The following RGS6 variants were observed in gnomAD, a reference collection of about 807,000 sequenced individuals.
The protein encoded by RGS6 is regulator of G protein signaling 6.
RGS6 carries 30 observed loss-of-function variants against 78.5 expected under a neutral mutation model. That is an observed-to-expected ratio of 0.38 (90% CI 0.29 to 0.52). The LOEUF is 0.52. Ranked by LOEUF, RGS6 falls within the 20% of genes least tolerant of loss-of-function variation. The probability of loss-of-function intolerance (pLI) is 0.85; values close to 1 mark genes in which losing one functional copy is unlikely to be tolerated. For synonymous variants in RGS6, 206 were observed against 206.0 expected (o/e 1.00, Z 0.00); for missense variants, 495 against 609.7 (o/e 0.81, Z 1.98).
chr14:72,150,384 G>T (rs1267715300), intron 2 of RGS6, among the ~76,000 whole-genome samples: 1 of 152,102 alleles, frequency 6.6e-6, no homozygotes, highest in Admixed American at 6.5e-5. Context: ...AACTCAGAGA[G>T]AATAAATTTC....
chr14:71,967,165 T>C (rs2093570899), intron 2 of RGS6, among the ~76,000 whole-genome samples: 1 of 146,434 alleles, frequency 6.8e-6, no homozygotes, highest in African/African-American at 2.6e-5. Flanking sequence ...TATCTTACTT[T>C]CGTGTGACAA....
chr14:72,347,487 G>C (rs1868666751), intron 2 of RGS6, among the ~76,000 whole-genome samples: 1 of 152,146 alleles, frequency 6.6e-6, no homozygotes. Flanking sequence ...TGATGCAAAT[G>C]GTATTAAGTG....
chr14:72,562,350 T>G (rs1285399583), intron 17 of RGS6, 67 bp from the exon 18 acceptor site: 11 of 1,506,918 alleles, frequency 7.3e-6, no homozygotes, highest in Non-Finnish European at 1.0e-5. Context: ...TTCACCTGTC[T>G]GGCTCTCTGT....
intron 3 of RGS6, among the ~76,000 whole-genome samples, 193 bp downstream of exon 3, chr14:72,352,387 C>T (rs1388076617): frequency 6.6e-6 from 1 of 152,192 alleles, no homozygotes; most frequent in Admixed American, 6.5e-5. Context: ...TTAAGAATGA[C>T]CTTACCATGA....
chr14:72,619,384 G>A, the RGS6 span: 18 of 1,535,962 alleles, frequency 1.2e-5, no homozygotes, highest in Admixed American at 9.8e-5. Flanking sequence ...GAAATGAGAC[G>A]GCTTTAGTAG....
intron 2 of RGS6, among the ~76,000 whole-genome samples, chr14:72,053,293 T>C (rs1277464714): frequency 6.6e-6 from 1 of 151,162 alleles, no homozygotes; most frequent in Non-Finnish European, 1.5e-5. Flanking sequence ...CTAATTTTCG[T>C]ATTTTTAGTA....
the RGS6 span, among the ~76,000 whole-genome samples, chr14:72,628,394 A>G: frequency 6.9e-6 from 1 of 145,102 alleles, no homozygotes; most frequent in Non-Finnish European, 1.5e-5. Flanking sequence ...TGCCATTTCT[A>G]TATGATCTAC....
the RGS6 span, among the ~76,000 whole-genome samples, chr14:71,897,510 T>A: frequency 2.0e-5 from 3 of 152,140 alleles, no homozygotes; most frequent in South Asian, 4.2e-4. Context: ...ATTTATTTTT[T>A]ATTTTATTTT....
In RGS6 at chr14:72,517,618, C is replaced by T. The variant is rs139141415; in HGVS notation, c.1092-733C>T. ...TGCCTCTTCAGCATTGCTCCAGATG[C>T]GTCCGTCTTCACTCTGAAACCCATA... On this transcript the variant is annotated intron_variant, in intron 14 of 17. Transcript: ENST00000553525. 1.1e-3 allele frequency among the ~76,000 whole-genome samples: 169 copies of T among 152,344 alleles called. 1 individual carries two copies. Among genetic ancestry groups the T allele is most frequent in the Non-Finnish European group, 2.1e-3 (143 of 68,028 alleles).
intron 15 of RGS6, among the ~76,000 whole-genome samples, chr14:72,530,551 C>T (rs1026728537): frequency 6.6e-6 from 1 of 151,978 alleles, no homozygotes; most frequent in Non-Finnish European, 1.5e-5. Flanking sequence ...ATTAGCCAGG[C>T]GTGGTGGTGC....
intron 2 of RGS6, among the ~76,000 whole-genome samples, chr14:72,198,912 G>T (rs992607022): frequency 6.6e-6 from 1 of 152,232 alleles, no homozygotes; most frequent in Admixed American, 6.5e-5. Flanking sequence ...AGTAAATACC[G>T]TAGAGGTTTA....
intron 2 of RGS6, among the ~76,000 whole-genome samples, chr14:72,090,418 G>T (rs921169949): frequency 2.6e-5 from 4 of 152,176 alleles, no homozygotes; most frequent in African/African-American, 9.7e-5. Context: ...TCTCACAGGA[G>T]CGTGAACCCT....
intron 2 of RGS6, among the ~76,000 whole-genome samples, chr14:72,144,805 T>G (rs1314504316): frequency 1.3e-5 from 2 of 151,872 alleles, no homozygotes; most frequent in Non-Finnish European, 2.9e-5. Flanking sequence ...GCCTGCTGCC[T>G]TCACAGAGCC....
intron 2 of RGS6, among the ~76,000 whole-genome samples, chr14:72,253,016 C>T (rs1008755243): frequency 5.9e-5 from 9 of 152,318 alleles, no homozygotes; most frequent in Admixed American, 2.0e-4. Context: ...GTGGTAAGCA[C>T]GGTCAGTTGT....
At position 72,134,211 on chromosome 14, in the gene RGS6, C is replaced by T. The variant is rs144824862; in HGVS notation, c.84+169336C>T. On this transcript the variant is annotated intron_variant, in intron 2 of 17. Transcript: ENST00000553525. ...TCTCTGGTGATTTTTCTGCTGTACC[C>T]AGTTACCTCTGAATGTGTTGCCCAT... 8.7e-4 allele frequency among the ~76,000 whole-genome samples: 132 copies of T among 152,264 alleles called. 1 individual carries two copies. Among genetic ancestry groups the T allele is most frequent in the African/African-American group, 2.6e-3 (106 of 41,548 alleles).
At chr14:72,544,535 C>A (rs1301747477) in intron 17 of RGS6, among the ~76,000 whole-genome samples, 1 of 152,190 alleles carries the variant, frequency 6.6e-6, no homozygotes, top group Non-Finnish European at 1.5e-5. Context: ...AGGCGTTCAT[C>A]CACCTCCTAA....
intron 2 of RGS6, among the ~76,000 whole-genome samples, chr14:72,065,809 A>G (rs1224743643): frequency 7.9e-5 from 12 of 151,736 alleles, no homozygotes; most frequent in African/African-American, 2.4e-4. Flanking sequence ...TTTAGGGTAC[A>G]TGTGCACAAT....
intron 2 of RGS6, among the ~76,000 whole-genome samples, chr14:72,320,068 A>G (rs1334234052): frequency 6.6e-6 from 1 of 152,210 alleles, no homozygotes. Context: ...TAACCTATAC[A>G]AGACCACAGT....
the RGS6 span, among the ~76,000 whole-genome samples, chr14:72,598,531 C>T: frequency 7.9e-5 from 12 of 152,366 alleles, no homozygotes; most frequent in African/African-American, 2.6e-4. Flanking sequence ...GAAGCCACCT[C>T]TGCTCAAAGC....
Sources: allele counts gnomAD v4.1 joint callset (sites outside exome capture counted in the v4.1 genomes callset), GRCh38; gene constraint gnomAD v4.1.1; transcripts MANE v1.5; gene names NCBI Gene and HGNC (gene_info 2026-07-23, HGNC 2026-07-21).